MTMR8: variants seen among roughly 807,000 people sequenced by gnomAD.
The protein encoded by MTMR8 is myotubularin related protein 8.
A neutral mutation model predicts 39.3 loss-of-function variants in MTMR8; 65 were observed. The observed-to-expected ratio is 1.65, with a 90% CI of 1.35 to 2.03. MTMR8 has a LOEUF of 2.03. Ranked by LOEUF, MTMR8 falls within the 30% of genes most tolerant of loss-of-function variation. MTMR8 has a pLI of 0.00. For synonymous variants in MTMR8, 245 were observed against 185.2 expected, an observed-to-expected ratio of 1.32 and a Z score of -2.62; for missense variants, 777 against 538.9, an observed-to-expected ratio of 1.44 and a Z score of -4.37.
In MTMR8 at chrX:64,365,755, T is replaced by A. The variant is rs768271039; in HGVS notation, c.25-6228A>T. ...ATAATGACAGGATCAAATTCACACA[T>A]AACAATATTAACCTTAAATGTAAAT... On this transcript the variant is annotated intron_variant, in intron 1 of 13. Transcript: ENST00000374852. Among the ~76,000 whole-genome samples, 343 of 111,345 alleles carry A rather than the reference T, an allele frequency of 3.1e-3. 2 individuals carry two copies. The highest frequency in any genetic ancestry group is 0.01 in the African/African-American group (319 of 30,604).
intron 12 of MTMR8, among the ~76,000 whole-genome samples, chrX:64,271,506 G>A (rs1053469271): frequency 3.2e-4 from 36 of 112,013 alleles, no homozygotes; most frequent in African/African-American, 1.2e-3. Context: ...AACTCATGGA[G>A]AGGCTTCTGC....
chrX:64,393,151 C>A (rs1924736319), intron 1 of MTMR8, among the ~76,000 whole-genome samples: 1 of 111,850 alleles, frequency 8.9e-6, no homozygotes, highest in Non-Finnish European at 1.9e-5. Flanking sequence ...GAGCACGAAC[C>A]CTATCCCAGC....
At chrX:64,320,933 C>A (rs959332583) in intron 12 of MTMR8, among the ~76,000 whole-genome samples, 1 of 111,781 alleles carries the variant, frequency 8.9e-6, no homozygotes, top group African/African-American at 3.3e-5. Context: ...TTAAGGAAAT[C>A]TCTGCGAAAT....
intron 1 of MTMR8, among the ~76,000 whole-genome samples, chrX:64,376,517 G>A (rs776089622): frequency 5.3e-5 from 6 of 112,196 alleles, no homozygotes; most frequent in Non-Finnish European, 1.1e-4. Context: ...CTGAACTTGA[G>A]AGTGATGATT....
intron 1 of MTMR8, among the ~76,000 whole-genome samples, chrX:64,380,200 G>T (rs756673230): frequency 3.6e-5 from 4 of 112,517 alleles, no homozygotes; most frequent in Non-Finnish European, 7.5e-5. Context: ...ATGAATATGT[G>T]TCTGACTTCA....
rs757499901 is a variant in MTMR8, at chrX:64,268,469, G to A, written c.*68C>T. 7.1e-6 allele frequency: 8 copies of A among 1,131,900 alleles called. No individual in the cohort carries two copies. Among genetic ancestry groups the A allele is most frequent in the Non-Finnish European group, 9.4e-6 (8 of 851,584 alleles). The allele number at this position is 1,131,900 out of a possible 1,213,427, so 93.3% of individuals were successfully genotyped here. ...TTAAACCAATTGGAAAAGCAGCATA[G>A]CCCTCTCTGGGACAAGAATCATTGT... On this transcript the variant is annotated 3_prime_UTR_variant, in exon 14 of 14. Transcript: ENST00000374852.
chrX:64,359,296 G>C, intron 2 of MTMR8, 109 bp downstream of exon 2: 2 of 821,308 alleles, frequency 2.4e-6, no homozygotes, highest in Non-Finnish European at 3.2e-6. Flanking sequence ...TGAAGAAAAG[G>C]TTTTACAGCA....
intron 8 of MTMR8, among the ~76,000 whole-genome samples, chrX:64,341,005 C>A (rs755713421): frequency 8.9e-6 from 1 of 112,188 alleles, no homozygotes; most frequent in South Asian, 3.7e-4. Context: ...AGAAAATCCA[C>A]TTCTATAAAG....
At chrX:64,329,369 T>C (rs1309973232) in intron 11 of MTMR8, among the ~76,000 whole-genome samples, 1 of 111,862 alleles carries the variant, frequency 8.9e-6, no homozygotes, top group East Asian at 2.8e-4. Flanking sequence ...TTCTGGCTCT[T>C]CTATATTTCA....
intron 1 of MTMR8, among the ~76,000 whole-genome samples, chrX:64,381,420 T>G (rs187088205): frequency 9.2e-6 from 1 of 109,059 alleles, no homozygotes; most frequent in Non-Finnish European, 1.9e-5. Context: ...TCTGTGCATA[T>G]CCTTCGCCTA....
At chrX:64,297,328 C>T (rs1001962984) in intron 12 of MTMR8, among the ~76,000 whole-genome samples, 4 of 110,028 alleles carry the variant, frequency 3.6e-5, no homozygotes, top group Admixed American at 9.8e-5. Context: ...TCTCTGATGG[C>T]TAGTGATGAT....
At chrX:64,280,176 G>A (rs915174600) in intron 12 of MTMR8, among the ~76,000 whole-genome samples, 3 of 111,851 alleles carry the variant, frequency 2.7e-5, no homozygotes, top group South Asian at 3.8e-4. Flanking sequence ...GAAAAGGAAC[G>A]ACTTCTCCTT....
intron 12 of MTMR8, among the ~76,000 whole-genome samples, chrX:64,301,570 C>T (rs1167960931): frequency 1.7e-4 from 19 of 111,943 alleles, no homozygotes; most frequent in Admixed American, 6.6e-4. Context: ...GCCTTCTTCT[C>T]TCAGCTCGTC....
chrX:64,373,207 G>A (rs1027200683), intron 1 of MTMR8, among the ~76,000 whole-genome samples: 1 of 112,008 alleles, frequency 8.9e-6, no homozygotes, highest in Non-Finnish European at 1.9e-5. Context: ...GCAGTGAGAA[G>A]CAAGAACCCA....
rs1240722886 is a variant in MTMR8, at chrX:64,343,614, T to A, written c.972A>T (p.Thr324=). Residue 324 remains threonine (T), a synonymous_variant, in exon 8 of 14, where the codon ACA becomes ACT. Transcript: ENST00000374852. ...TTTTAAAAGTCCTGATTATTACCTTTGTAATGAAAATTCCAGCATCCATAA... is the reference window on the plus strand; with the variant it reads ...TTTTAAAAGTCCTGATTATTACCTTAGTAATGAAAATTCCAGCATCCATAA... ...KAIMDAGIFI[T]KAVKVEKASV... is the part of the protein sequence containing the mutation. 8.5e-7 allele frequency: 1 copy of A among 1,173,724 alleles called. No homozygotes were observed. Among genetic ancestry groups the A allele is most frequent in the Non-Finnish European group, 1.2e-6 (1 of 862,520 alleles).
At chrX:64,296,730 C>T (rs1439386594) in intron 12 of MTMR8, among the ~76,000 whole-genome samples, 1 of 105,531 alleles carries the variant, frequency 9.5e-6, no homozygotes, top group Non-Finnish European at 2.0e-5. Context: ...TCCCTTCCCC[C>T]TCCCCCGCCC....
chrX:64,285,785 A>C (rs1222927917), intron 12 of MTMR8, among the ~76,000 whole-genome samples: 1 of 111,707 alleles, frequency 9.0e-6, no homozygotes, highest in Non-Finnish European at 1.9e-5. Flanking sequence ...AACGAGAACA[A>C]AGACACAACA....
At chrX:64,291,236 A>AT (rs1277774700) in intron 12 of MTMR8, among the ~76,000 whole-genome samples, 1 of 110,934 alleles carries the variant, frequency 9.0e-6, no homozygotes. Context: ...AACTAAGCAT[A>AT]TTTTTAACCC....
intron 12 of MTMR8, among the ~76,000 whole-genome samples, chrX:64,278,082 T>C (rs1318563698): frequency 9.1e-6 from 1 of 109,396 alleles, no homozygotes; most frequent in Non-Finnish European, 1.9e-5. Flanking sequence ...CTCTATCAGG[T>C]CATTTATGTT....
Sources: gnomAD v4.1 joint callset for allele counts (sites outside exome capture counted in the v4.1 genomes callset) on GRCh38, gnomAD v4.1.1 for gene constraint, MANE v1.5 for transcripts, NCBI Gene and HGNC (gene_info 2026-07-23, HGNC 2026-07-21) for gene names.